Variants in SPOCK1 observed in about 807,000 individuals in gnomAD.
The protein encoded by SPOCK1 is SPARC (osteonectin), cwcv and kazal like domains proteoglycan 1, also known as testican-1.
SPOCK1 carries 23 observed loss-of-function variants against 55.3 expected under a neutral mutation model. The observed-to-expected ratio is 0.42, with a 90% CI of 0.30 to 0.59. SPOCK1 has a LOEUF of 0.59. Ranked by LOEUF, SPOCK1 falls within the 20% of genes least tolerant of loss-of-function variation. The pLI, the probability that SPOCK1 is intolerant of heterozygous loss-of-function variation, is 0.22. For synonymous variants in SPOCK1, 226 were observed against 221.0 expected (o/e 1.02, Z -0.20); for missense variants, 499 against 552.5 (o/e 0.90, Z 0.97).
In SPOCK1 at chr5:137,086,030, G is replaced by C. The variant is rs9327771; in HGVS notation, c.475-18201C>G. 2.8e-3 allele frequency among the ~76,000 whole-genome samples: 427 copies of C among 152,258 alleles called. 1 individual carries two copies. Among genetic ancestry groups the C allele is most frequent in the African/African-American group, 9.9e-3 (411 of 41,534 alleles). ...GTACCTATTTCAAATGCTGTTTTAAGGCAAATGAAATTTAAAATGCTCATA... is the reference window on the plus strand; with the variant it reads ...GTACCTATTTCAAATGCTGTTTTAACGCAAATGAAATTTAAAATGCTCATA... On this transcript the variant is annotated intron_variant, in intron 5 of 10. Coordinates refer to ENST00000394945, the MANE Select transcript of SPOCK1 (RefSeq NM_004598.4).
chr5:137,395,741 G>A (rs1365037449), intron 2 of SPOCK1, among the ~76,000 whole-genome samples: 2 of 152,196 alleles, frequency 1.3e-5, no homozygotes, highest in African/African-American at 4.8e-5. Flanking sequence ...GTCAGTTCCT[G>A]CAAGGCGTGG....
At chr5:137,202,931 C>T (rs938911356) in intron 3 of SPOCK1, among the ~76,000 whole-genome samples, 4 of 152,188 alleles carry the variant, frequency 2.6e-5, no homozygotes, top group African/African-American at 9.7e-5. Flanking sequence ...TACATATTCA[C>T]GTCCTTGTTG....
chr5:137,217,089 A>G (rs901063048), intron 3 of SPOCK1, among the ~76,000 whole-genome samples: 4 of 152,218 alleles, frequency 2.6e-5, no homozygotes, highest in African/African-American at 9.6e-5. Flanking sequence ...AGGGAGGCCC[A>G]TGAGAAGCCA....
chr5:137,017,816 A>C (rs1751477808), intron 6 of SPOCK1, among the ~76,000 whole-genome samples: 1 of 152,240 alleles, frequency 6.6e-6, no homozygotes. Flanking sequence ...ATTTTAAAAA[A>C]TTCTAAAATC....
intron 2 of SPOCK1, among the ~76,000 whole-genome samples, chr5:137,308,036 T>C (rs1757729146): frequency 1.3e-5 from 2 of 152,220 alleles, no homozygotes; most frequent in African/African-American, 2.4e-5. Context: ...CTGAGCACAG[T>C]GCCTGGCAGT....
intron 3 of SPOCK1, among the ~76,000 whole-genome samples, chr5:137,180,876 G>A (rs1754957817): frequency 2.6e-5 from 4 of 152,118 alleles, no homozygotes; most frequent in Admixed American, 2.0e-4. Context: ...TCCTCACAAT[G>A]AAAAAATGAA....
intron 2 of SPOCK1, among the ~76,000 whole-genome samples, chr5:137,418,722 T>C (rs1391435203): frequency 6.6e-6 from 1 of 152,218 alleles, no homozygotes; most frequent in Non-Finnish European, 1.5e-5. Flanking sequence ...GATGAGCAGA[T>C]TGCAAAAATT....
intron 2 of SPOCK1, among the ~76,000 whole-genome samples, chr5:137,334,147 A>G (rs1370211929): frequency 6.6e-6 from 1 of 152,200 alleles, no homozygotes; most frequent in Non-Finnish European, 1.5e-5. Context: ...TGTCTTCACA[A>G]GAGTACACAG....
chr5:137,440,187 G>C (rs1328188274), intron 2 of SPOCK1, among the ~76,000 whole-genome samples: 1 of 151,842 alleles, frequency 6.6e-6, no homozygotes, highest in African/African-American at 2.4e-5. Context: ...AGAACATCTG[G>C]AAAGAAAAGA....
chr5:137,342,399 C>T (rs1309564599), intron 2 of SPOCK1, among the ~76,000 whole-genome samples: 2 of 152,270 alleles, frequency 1.3e-5, no homozygotes, highest in South Asian at 2.1e-4. Context: ...CCCATGGAAT[C>T]GGTCACTATG....
chr5:137,498,300 A>G, intron 2 of SPOCK1, 73 bp downstream of exon 2: 1 of 1,273,894 alleles, frequency 7.8e-7, no homozygotes, highest in Non-Finnish European at 1.0e-6. Context: ...ACACACACAC[A>G]CCCCAACCCC....
chr5:137,196,847 A>T (rs1755309193), intron 3 of SPOCK1, among the ~76,000 whole-genome samples: 1 of 152,232 alleles, frequency 6.6e-6, no homozygotes, highest in Admixed American at 6.5e-5. Context: ...CCTGCACAAT[A>T]TGAGCTTAGT....
chr5:137,002,388 T>TC (rs1275101275), intron 6 of SPOCK1, among the ~76,000 whole-genome samples: 2 of 151,978 alleles, frequency 1.3e-5, no homozygotes, highest in East Asian at 1.9e-4. Flanking sequence ...ATTTTTTTTT[T>TC]CTCCCTGAAT....
intron 6 of SPOCK1, among the ~76,000 whole-genome samples, chr5:137,019,077 A>G (rs1751510402): frequency 6.6e-6 from 1 of 152,188 alleles, no homozygotes; most frequent in Non-Finnish European, 1.5e-5. Flanking sequence ...TGCTTACAAA[A>G]TTGGCAGACA....
At chr5:137,478,875 C>A (rs564164990) in intron 2 of SPOCK1, among the ~76,000 whole-genome samples, 1 of 152,066 alleles carries the variant, frequency 6.6e-6, no homozygotes, top group East Asian at 1.9e-4. Flanking sequence ...GGGCAGGCAA[C>A]AAGCTTTCAG....
chr5:137,191,795 A>C (rs2127070536), intron 3 of SPOCK1, among the ~76,000 whole-genome samples: 1 of 152,288 alleles, frequency 6.6e-6, no homozygotes, highest in East Asian at 1.9e-4. Flanking sequence ...ACAATACCTA[A>C]AGTCTACTAG....
intron 6 of SPOCK1, among the ~76,000 whole-genome samples, chr5:137,024,045 A>G (rs1316647219): frequency 6.7e-6 from 1 of 148,834 alleles, no homozygotes; most frequent in Non-Finnish European, 1.5e-5. Context: ...TAGGCATGCA[A>G]CCTAGAAGCT....
intron 6 of SPOCK1, chr5:136,993,117 A>G (rs1019857833): frequency 1.2e-4 from 18 of 152,426 alleles, no homozygotes; most frequent in East Asian, 3.9e-4. Context: ...CTATTTTGCT[A>G]GCCTTCCAGT....
intron 3 of SPOCK1, among the ~76,000 whole-genome samples, chr5:137,244,007 C>A (rs146489930): frequency 0.011 from 1,691 of 152,278 alleles, 60 homozygotes; most frequent in Admixed American, 0.065. Context: ...TCTTTCCCAA[C>A]AGTGGTGGCA....
Sources: allele counts gnomAD v4.1 joint callset (sites outside exome capture counted in the v4.1 genomes callset), GRCh38; gene constraint gnomAD v4.1.1; transcripts MANE v1.5; gene names NCBI Gene and HGNC (gene_info 2026-07-23, HGNC 2026-07-21).